Variants in STIM2 observed in about 807,000 individuals in gnomAD.
STIM2 encodes the protein stromal interaction molecule 2.
Under a neutral mutation model 85.8 loss-of-function variants are expected in STIM2, and 31 were observed. The observed-to-expected ratio is 0.36, with a 90% CI of 0.27 to 0.49. STIM2 has a LOEUF of 0.49. Among genes scored for constraint, STIM2 ranks in the 20% least tolerant of loss-of-function variants. The pLI is 0.98. For missense variants in STIM2, 841 were observed against 927.6 expected, an observed-to-expected ratio of 0.91 and a Z score of 1.21; for synonymous variants, 356 against 331.1, an observed-to-expected ratio of 1.08 and a Z score of -0.82.
intron 11 of STIM2, among the ~76,000 whole-genome samples, chr4:27,020,639 T>C (rs1728878181): frequency 6.6e-6 from 1 of 152,210 alleles, no homozygotes. Context: ...ATCTAAAATG[T>C]GGTATTAACA....
intron 1 of STIM2, among the ~76,000 whole-genome samples, chr4:26,897,229 A>AT (rs1032601601): frequency 4.6e-5 from 7 of 152,198 alleles, no homozygotes; most frequent in African/African-American, 1.7e-4. Flanking sequence ...TGGCAGTATC[A>AT]TTTTACATTC....
intron 2 of STIM2, among the ~76,000 whole-genome samples, chr4:26,939,766 C>T (rs748858171): frequency 4.6e-5 from 7 of 151,986 alleles, no homozygotes; most frequent in Non-Finnish European, 1.0e-4. Context: ...CATTGTTGAC[C>T]ACTTGGTTAA....
At chr4:26,948,188 C>T (rs554120735) in intron 2 of STIM2, among the ~76,000 whole-genome samples, 1 of 152,308 alleles carries the variant, frequency 6.6e-6, no homozygotes, top group South Asian at 2.1e-4. Context: ...GGTTCATTCT[C>T]CCTGTATATC....
intron 11 of STIM2, among the ~76,000 whole-genome samples, chr4:27,020,155 TGTTTAGA>T (rs1027889649): frequency 6.6e-6 from 1 of 152,230 alleles, no homozygotes; most frequent in African/African-American, 2.4e-5. Context: ...TTTCACACAT[TGTTTAGA>T]GTTTAGAGGC....
In STIM2 at chr4:26,873,485, A is replaced by G. The variant is rs527773543; in HGVS notation, c.151+12116A>G. ...CATTGTGGCTAGATGTGGCCAGAGCAGGGGGGCTCTGGGTCCCTTGTTATT... is the reference window on the plus strand; with the variant it reads ...CATTGTGGCTAGATGTGGCCAGAGCGGGGGGGCTCTGGGTCCCTTGTTATT... On this transcript the variant is annotated intron_variant, in intron 1 of 11. Transcript: ENST00000467087. The G allele has an allele frequency of 1.8e-5, 6 of 328,994 alleles. No homozygotes were observed. In the East Asian group the frequency reaches 4.4e-4, roughly 24 times the overall value. 20.4% of individuals were successfully genotyped at this position (328,994 alleles called of 1,614,324 possible).
chr4:26,985,174 G>A (rs1348910830), intron 3 of STIM2, among the ~76,000 whole-genome samples: 2 of 152,160 alleles, frequency 1.3e-5, no homozygotes, highest in Non-Finnish European at 2.9e-5. Flanking sequence ...AGTGACCCCA[G>A]GAAGTCTATA....
At chr4:26,952,046 T>C (rs1726072798) in intron 2 of STIM2, among the ~76,000 whole-genome samples, 1 of 152,094 alleles carries the variant, frequency 6.6e-6, no homozygotes, top group Non-Finnish European at 1.5e-5. Flanking sequence ...CATCAGATCT[T>C]GTGAGACTTA....
chr4:26,932,895 C>T (rs1468089994), intron 2 of STIM2, among the ~76,000 whole-genome samples: 1 of 152,134 alleles, frequency 6.6e-6, no homozygotes, highest in African/African-American at 2.4e-5. Context: ...GGCATCTGGT[C>T]ATTTCATGGA....
chr4:26,933,901 C>T (rs11933733), intron 2 of STIM2, among the ~76,000 whole-genome samples: 2,576 of 152,034 alleles, frequency 0.017, 79 homozygotes, highest in African/African-American at 0.059. Context: ...TTAAAATACC[C>T]GCAAAAATAC....
At chr4:26,898,349 A>G (rs1723785426) in intron 1 of STIM2, among the ~76,000 whole-genome samples, 1 of 152,148 alleles carries the variant, frequency 6.6e-6, no homozygotes, top group Non-Finnish European at 1.5e-5. Flanking sequence ...TTCTTGTTAT[A>G]TTACATCAGG....
At chr4:27,001,178 G>C (rs534483443) in intron 5 of STIM2, among the ~76,000 whole-genome samples, 1 of 152,322 alleles carries the variant, frequency 6.6e-6, no homozygotes, top group South Asian at 2.1e-4. Context: ...ATATGTTTCT[G>C]CCGGAGGCCT....
At position 26,919,067 on chromosome 4, in the gene STIM2, T is replaced by A. The variant is rs374463016; in HGVS notation, c.152-437T>A. ...TTTTTTTGGTGATATTTTCTAGGACTCATTTTGATTAAACTGGATTGTGCA... is the reference window on the plus strand; with the variant it reads ...TTTTTTTGGTGATATTTTCTAGGACACATTTTGATTAAACTGGATTGTGCA... On this transcript the variant is annotated intron_variant, in intron 1 of 11. Coordinates refer to ENST00000467087, the MANE Select transcript of STIM2 (RefSeq NM_020860.4). 1.4e-4 allele frequency among the ~76,000 whole-genome samples: 22 copies of A among 152,152 alleles called. No individual in the cohort carries two copies. In the East Asian group the frequency reaches 2.5e-3, roughly 17 times the overall value.
chr4:27,018,602 G>A (rs1402774899), intron 11 of STIM2, among the ~76,000 whole-genome samples: 10 of 152,112 alleles, frequency 6.6e-5, no homozygotes, highest in Non-Finnish European at 1.3e-4. Context: ...TTTTATGTTT[G>A]ATTGGAAAAC....
intron 1 of STIM2, among the ~76,000 whole-genome samples, chr4:26,890,231 C>A (rs1193842309): frequency 6.6e-6 from 1 of 152,156 alleles, no homozygotes; most frequent in African/African-American, 2.4e-5. Context: ...TAGTAGGAAA[C>A]TTCCCCTGAG....
At chr4:26,889,302 A>G (rs1207690587) in intron 1 of STIM2, among the ~76,000 whole-genome samples, 3 of 152,202 alleles carry the variant, frequency 2.0e-5, no homozygotes, top group African/African-American at 7.2e-5. Context: ...CCATTCTACC[A>G]TTCTATTAAG....
At chr4:26,934,092 G>T (rs1231866945) in intron 2 of STIM2, among the ~76,000 whole-genome samples, 3 of 152,142 alleles carry the variant, frequency 2.0e-5, no homozygotes, top group African/African-American at 7.2e-5. Flanking sequence ...TACTTGGGAG[G>T]CTGAGGCAGA....
intron 3 of STIM2, among the ~76,000 whole-genome samples, chr4:26,993,086 T>C (rs1727822331): frequency 1.3e-5 from 2 of 152,288 alleles, no homozygotes; most frequent in Admixed American, 1.3e-4. Flanking sequence ...GAGAATCTTA[T>C]CTTGTTTTCT....
intron 2 of STIM2, among the ~76,000 whole-genome samples, chr4:26,955,805 T>A (rs1443715232): frequency 3.2e-5 from 4 of 125,476 alleles, no homozygotes; most frequent in African/African-American, 7.1e-5. Flanking sequence ...CCAGTTGCTG[T>A]GGAAGTGTTT....
chr4:26,954,734 T>C (rs1232634463), intron 2 of STIM2, among the ~76,000 whole-genome samples: 1 of 148,190 alleles, frequency 6.7e-6, no homozygotes, highest in Non-Finnish European at 1.5e-5. Flanking sequence ...ATTTTTAATG[T>C]GTTTGGTTCA....
Sources: allele counts gnomAD v4.1 joint callset (sites outside exome capture counted in the v4.1 genomes callset), GRCh38; gene constraint gnomAD v4.1.1; transcripts MANE v1.5; gene names NCBI Gene and HGNC (gene_info 2026-07-23, HGNC 2026-07-21).